USH2A: variants seen among roughly 807,000 people sequenced by gnomAD.
USH2A encodes the protein Usher syndrome 2A (autosomal recessive, mild).
In USH2A, 443 loss-of-function variants were observed where a neutral mutation model predicts 538.9. The observed-to-expected ratio is 0.82, with a 90% CI of 0.76 to 0.89. The LOEUF is 0.89. Among genes scored for constraint, USH2A ranks in the 40% least tolerant of loss-of-function variants. The pLI is 0.00. For missense variants in USH2A, 6,633 were observed against 6,324.8 expected (o/e 1.05, Z -1.65); for synonymous variants, 2,413 against 2,273.5 (o/e 1.06, Z -1.75).
At chr1:215,648,391 A>C in intron 66 of USH2A, 137 bp downstream of exon 66, 2 of 879,506 alleles carry the variant, frequency 2.3e-6, no homozygotes, top group East Asian at 4.8e-5. Flanking sequence ...ATATCTGTTC[A>C]ATAAGCAAGT....
At chr1:216,128,462 C>T (rs537936497) in intron 21 of USH2A, among the ~76,000 whole-genome samples, 2 of 152,132 alleles carry the variant, frequency 1.3e-5, no homozygotes, top group South Asian at 4.1e-4. Flanking sequence ...ATTATAATGC[C>T]TTTCATATGA....
chr1:216,214,391 A>G (rs965682888), intron 15 of USH2A, among the ~76,000 whole-genome samples: 2 of 152,094 alleles, frequency 1.3e-5, no homozygotes, highest in African/African-American at 4.8e-5. Context: ...AATATGACTG[A>G]ACCTCAAAAA....
In USH2A at chr1:215,782,109, T is replaced by A; in HGVS notation, c.10673A>T (p.Gln3558Leu). ...CTGATATGAATATTCCTGAAATGGT[T>A]GAATTCCCTCTTTATCAGAGAAGCT... is the stretch of plus-strand genomic sequence containing the variant. ...SLSFSDKEGIQPFQEYSYQLK... is the reference protein window; with the variant it reads ...SLSFSDKEGILPFQEYSYQLK... Residue 3558 changes from glutamine (Q) to leucine (L), a missense_variant, in exon 54 of 72, where the codon CAA (glutamine) becomes CTA (leucine). Gln to Leu is a moderately radical substitution (Grantham distance 113). Coordinates refer to ENST00000307340, the MANE Select transcript of USH2A (RefSeq NM_206933.4). The A allele has an allele frequency of 6.2e-7, 1 of 1,614,040 alleles. No individual in the cohort carries two copies. The highest frequency in any genetic ancestry group is 1.1e-5 in the South Asian group (1 of 91,076).
At position 216,355,383 on chromosome 1, in the gene USH2A, G is replaced by C. The variant is rs74453585; in HGVS notation, c.784+9570C>G. On this transcript the variant is annotated intron_variant, in intron 4 of 71. Coordinates refer to ENST00000307340, the MANE Select transcript of USH2A (RefSeq NM_206933.4). ...AGAAAGAAAGAAAGAAAGAAGGAAA[G>C]AAACATATAGTATACAAGAAAACAT... Among the ~76,000 whole-genome samples, 395 of 148,524 alleles carry C rather than the reference G, an allele frequency of 2.7e-3. 3 individuals are homozygous for C. Among genetic ancestry groups the C allele is most frequent in the South Asian group, 4.9e-3 (23 of 4,668 alleles).
intron 50 of USH2A, among the ~76,000 whole-genome samples, chr1:215,791,766 A>G (rs1661988231): frequency 1.3e-5 from 2 of 152,206 alleles, no homozygotes; most frequent in African/African-American, 4.8e-5. Flanking sequence ...TATGGTGGGT[A>G]TATATGTGTG....
chr1:216,107,932 C>A (rs1438096491), intron 21 of USH2A, among the ~76,000 whole-genome samples: 1 of 151,782 alleles, frequency 6.6e-6, no homozygotes, highest in Non-Finnish European at 1.5e-5. Flanking sequence ...TTACCATTGT[C>A]CAATTATTTG....
At chr1:215,690,137 C>G (rs1193215975) in intron 61 of USH2A, among the ~76,000 whole-genome samples, 1 of 152,202 alleles carries the variant, frequency 6.6e-6, no homozygotes, top group East Asian at 1.9e-4. Flanking sequence ...TCATTCTCCT[C>G]TACTCCAATC....
intron 61 of USH2A, among the ~76,000 whole-genome samples, chr1:215,723,557 T>TAAA (rs1294481591): frequency 2.6e-5 from 4 of 152,226 alleles, no homozygotes; most frequent in Non-Finnish European, 4.4e-5. Context: ...AACAAGGGAC[T>TAAA]AATGCATTAG....
chr1:216,087,770 A>T (rs77414236), intron 23 of USH2A, among the ~76,000 whole-genome samples: 2,702 of 152,192 alleles, frequency 0.018, 87 homozygotes, highest in African/African-American at 0.061. Flanking sequence ...TTATATCTTC[A>T]ATTATCACCC....
intron 50 of USH2A, among the ~76,000 whole-genome samples, chr1:215,796,362 A>G (rs1182311936): frequency 6.6e-6 from 1 of 152,042 alleles, no homozygotes; most frequent in Non-Finnish European, 1.5e-5. Context: ...TCTCTGTCAC[A>G]TTTTGATGAT....
intron 60 of USH2A, among the ~76,000 whole-genome samples, chr1:215,739,608 G>A (rs1044117722): frequency 4.6e-5 from 7 of 152,310 alleles, no homozygotes; most frequent in South Asian, 2.1e-4. Context: ...TGTGCTTAGC[G>A]TAAAATGGAA....
At chr1:215,714,060 A>G (rs3845526) in intron 61 of USH2A, among the ~76,000 whole-genome samples, 3,780 of 152,230 alleles carry the variant, frequency 0.025, 148 homozygotes, top group African/African-American at 0.086. Flanking sequence ...TGCCCATAAT[A>G]TGTTTTATGT....
At chr1:216,204,544 C>G (rs1038458877) in intron 16 of USH2A, among the ~76,000 whole-genome samples, 6 of 152,070 alleles carry the variant, frequency 3.9e-5, no homozygotes, top group African/African-American at 1.4e-4. Context: ...AAAAAGTTTC[C>G]ATTCTAAAAA....
intron 35 of USH2A, among the ~76,000 whole-genome samples, chr1:215,984,987 G>C (rs774169369): frequency 6.6e-6 from 1 of 152,104 alleles, no homozygotes; most frequent in Non-Finnish European, 1.5e-5. Context: ...TGGAATCAAC[G>C]GAATCTAAAA....
chr1:216,388,448 T>C (rs914280045), intron 3 of USH2A, among the ~76,000 whole-genome samples: 1 of 152,198 alleles, frequency 6.6e-6, no homozygotes, highest in African/African-American at 2.4e-5. Context: ...GTTTTTGTTG[T>C]TTGGTAGGTT....
rs753695973 is a variant in USH2A, at chr1:216,199,896, T to G, written c.3542A>C (p.Lys1181Thr). The G allele has an allele frequency of 1.9e-6, 3 of 1,614,110 alleles. No individual in the cohort carries two copies. Among genetic ancestry groups the G allele is most frequent in the Non-Finnish European group, 2.5e-6 (3 of 1,180,000 alleles). ...CAAAGGGGCACAGGACAAAATATAT[T>G]TCTCTATGGGACCAGATTGATTTGA... ...TLSNQSGPIE[K>T]YILSCAPLAG... is the part of the protein sequence containing the mutation. Residue 1181 changes from lysine to threonine, a missense_variant, in exon 17 of 72, where the codon AAA becomes ACA. Coordinates refer to ENST00000307340, the MANE Select transcript of USH2A (RefSeq NM_206933.4).
intron 61 of USH2A, among the ~76,000 whole-genome samples, chr1:215,685,508 C>T (rs1344159698): frequency 5.3e-5 from 8 of 151,918 alleles, no homozygotes; most frequent in Admixed American, 2.6e-4. Flanking sequence ...CAGGCACCCG[C>T]CACCACGCCC....
At chr1:215,841,688 G>C (rs1033391925) in intron 46 of USH2A, among the ~76,000 whole-genome samples, 6 of 152,122 alleles carry the variant, frequency 3.9e-5, no homozygotes, top group Admixed American at 1.3e-4. Flanking sequence ...AGCAAAAATT[G>C]ACAAATGGGA....
At chr1:215,896,745 T>G (rs563703664) in intron 40 of USH2A, among the ~76,000 whole-genome samples, 7 of 152,290 alleles carry the variant, frequency 4.6e-5, no homozygotes, top group African/African-American at 1.7e-4. Context: ...GGCAAGTGCC[T>G]TCATTTTATT....
Sources: gnomAD v4.1 joint callset for allele counts (sites outside exome capture counted in the v4.1 genomes callset) on GRCh38, gnomAD v4.1.1 for gene constraint, MANE v1.5 for transcripts, NCBI Gene and HGNC (gene_info 2026-07-23, HGNC 2026-07-21) for gene names.